Variants in MNAT1 observed in about 807,000 individuals in gnomAD.
MNAT1 encodes the protein CDK-activating kinase assembly factor MAT1.
MNAT1 carries 43 observed loss-of-function variants against 42.0 expected under a neutral mutation model. The ratio of observed to expected loss-of-function variants is 1.02; its 90% CI spans 0.80 to 1.32. The LOEUF (loss-of-function observed/expected upper bound fraction) is 1.32, where lower values mean the gene tolerates loss of function less well. Among genes scored for constraint, MNAT1 ranks in the 40% most tolerant of loss-of-function variants. MNAT1 has a pLI of 0.00. For missense variants in MNAT1, 306 were observed against 350.4 expected (o/e 0.87, Z 1.01); for synonymous variants, 118 against 120.0 (o/e 0.98, Z 0.11).
At chr14:60,962,622 T>TA (rs1183154595) in intron 7 of MNAT1, among the ~76,000 whole-genome samples, 1 of 152,326 alleles carries the variant, frequency 6.6e-6, no homozygotes, top group East Asian at 1.9e-4. Context: ...TTGATAGCAA[T>TA]AAATTACACA....
At chr14:60,810,052 T>G (rs1269964257) in intron 4 of MNAT1, among the ~76,000 whole-genome samples, 2 of 152,162 alleles carry the variant, frequency 1.3e-5, no homozygotes, top group Non-Finnish European at 1.5e-5. Context: ...TTCCTGTTTC[T>G]TCATAATTTG....
At chr14:60,851,053 G>A (rs2139417100) in intron 6 of MNAT1, among the ~76,000 whole-genome samples, 1 of 152,060 alleles carries the variant, frequency 6.6e-6, no homozygotes, top group African/African-American at 2.4e-5. Context: ...ATTCTTTTTT[G>A]GGTTCATACT....
chr14:60,880,110 GT>G (rs1301207847), intron 7 of MNAT1: 1 of 215,456 alleles, frequency 4.6e-6, no homozygotes. Flanking sequence ...AGTCATGAGT[GT>G]TTTTTTCTTT....
intron 6 of MNAT1, among the ~76,000 whole-genome samples, chr14:60,868,458 CT>C (rs1444363184): frequency 6.6e-6 from 1 of 152,126 alleles, no homozygotes; most frequent in Non-Finnish European, 1.5e-5. Flanking sequence ...GTAACATATT[CT>C]GTAGAATTTG....
chr14:60,825,214 G>A (rs1422975805), intron 6 of MNAT1, among the ~76,000 whole-genome samples: 1 of 152,092 alleles, frequency 6.6e-6, no homozygotes, highest in Non-Finnish European at 1.5e-5. Context: ...TCACAACACA[G>A]CACTAAATAC....
At chr14:60,793,921 TA>T (rs1398865053) in intron 1 of MNAT1, among the ~76,000 whole-genome samples, 2 of 152,124 alleles carry the variant, frequency 1.3e-5, no homozygotes, top group African/African-American at 4.8e-5. Context: ...TAAACTGCAA[TA>T]AAAAATTTTA....
rs888637923 is a variant in MNAT1, at chr14:60,910,234, T to C, written c.809+30399T>C. 2.6e-5 allele frequency among the ~76,000 whole-genome samples: 4 copies of C among 152,316 alleles called. No individual in the cohort carries two copies. The East Asian group carries it at 7.7e-4, about 29-fold the overall frequency. On this transcript the variant is annotated intron_variant, in intron 7 of 7. Coordinates refer to ENST00000261245, the MANE Select transcript of MNAT1 (RefSeq NM_002431.4). ...TTAAGGAGATTTTGGGCCGAGATGA[T>C]GGGGTTTTCTAGATATACAATCATG...
At chr14:60,928,214 A>G (rs1477068282) in intron 7 of MNAT1, among the ~76,000 whole-genome samples, 1 of 152,170 alleles carries the variant, frequency 6.6e-6, no homozygotes, top group Admixed American at 6.5e-5. Context: ...TTATTGCTGA[A>G]TAATACTCCA....
chr14:60,946,292 A>G (rs1306076331), intron 7 of MNAT1, among the ~76,000 whole-genome samples: 5 of 152,208 alleles, frequency 3.3e-5, no homozygotes, highest in Non-Finnish European at 7.3e-5. Context: ...ACCTTTGAAA[A>G]AAGTCTTATA....
chr14:60,795,536 C>A (rs1422504458), intron 1 of MNAT1, among the ~76,000 whole-genome samples: 3 of 152,100 alleles, frequency 2.0e-5, no homozygotes, highest in African/African-American at 4.8e-5. Flanking sequence ...ACCTGGCTTG[C>A]CTGGGAATTC....
chr14:60,879,638 C>T (rs975871147), intron 6 of MNAT1, 76 bp from the exon 7 acceptor site: 2 of 1,403,566 alleles, frequency 1.4e-6, no homozygotes, highest in African/African-American at 1.5e-5. Flanking sequence ...TTTAATTCAT[C>T]TTTAAAATGA....
In MNAT1 at chr14:60,740,117, T is replaced by C. The variant is rs1223494446; in HGVS notation, c.89+5166T>C. On this transcript the variant is annotated intron_variant, in intron 1 of 7. Transcript: ENST00000261245. The surrounding 1 kb of genome is among the most constrained non-coding windows in gnomAD (Gnocchi z 4.1). Reference sequence around the variant, plus strand: ...TTGCAGTGAGCCGAGATCACACCACTGCACTCCAGCCTAGGCTACAGAGCA... The same window carrying C: ...TTGCAGTGAGCCGAGATCACACCACCGCACTCCAGCCTAGGCTACAGAGCA... Among the ~76,000 whole-genome samples the C allele has an allele frequency of 2.0e-5, 3 of 152,220 alleles. No individual in the cohort carries two copies.
intron 7 of MNAT1, among the ~76,000 whole-genome samples, chr14:60,933,082 G>C (rs959782666): frequency 6.6e-6 from 1 of 151,970 alleles, no homozygotes; most frequent in Non-Finnish European, 1.5e-5. Context: ...ATGAAATGGA[G>C]ATATCTAATG....
chr14:60,890,797 C>T (rs1023109548), intron 7 of MNAT1, among the ~76,000 whole-genome samples: 1 of 152,206 alleles, frequency 6.6e-6, no homozygotes, highest in East Asian at 1.9e-4. Flanking sequence ...ACACTGGCAG[C>T]TGATTAGGTG....
intron 7 of MNAT1, among the ~76,000 whole-genome samples, chr14:60,910,697 C>T (rs1225686729): frequency 6.6e-6 from 1 of 152,114 alleles, no homozygotes; most frequent in Non-Finnish European, 1.5e-5. Context: ...GGTGGATAAA[C>T]TTTTTGATGT....
chr14:60,878,910 T>G (rs917420178), intron 6 of MNAT1, among the ~76,000 whole-genome samples: 15 of 152,178 alleles, frequency 9.9e-5, no homozygotes, highest in Admixed American at 9.8e-4. Flanking sequence ...ACCCATTGAG[T>G]GGAAAGTTTG....
At chr14:60,757,061 G>T (rs1169566399) in intron 1 of MNAT1, among the ~76,000 whole-genome samples, 1 of 152,286 alleles carries the variant, frequency 6.6e-6, no homozygotes, top group East Asian at 1.9e-4. Flanking sequence ...GAGAGAACAG[G>T]CTATTTGACT....
intron 6 of MNAT1, among the ~76,000 whole-genome samples, chr14:60,861,672 A>T (rs932134313): frequency 1.6e-4 from 25 of 152,242 alleles, no homozygotes; most frequent in Non-Finnish European, 3.7e-4. Flanking sequence ...CTGAATCAAC[A>T]TATTTTAGTG....
At chr14:60,803,905 T>C (rs2032287325) in intron 3 of MNAT1, among the ~76,000 whole-genome samples, 1 of 152,204 alleles carries the variant, frequency 6.6e-6, no homozygotes, top group South Asian at 2.1e-4. Flanking sequence ...CTTATGGCAT[T>C]AACAATAGAC....
Sources: gnomAD v4.1 joint callset for allele counts (sites outside exome capture counted in the v4.1 genomes callset) on GRCh38, gnomAD v4.1.1 for gene constraint, Gnocchi (gnomAD v3.1) non-coding constraint, MANE v1.5 for transcripts, NCBI Gene and HGNC (gene_info 2026-07-23, HGNC 2026-07-21) for gene names.